Variants in UNC5C observed in about 807,000 individuals in gnomAD.
UNC5C encodes the protein unc-5 netrin receptor C.
In UNC5C, 47 loss-of-function variants were observed where a neutral mutation model predicts 99.8. That is an observed-to-expected ratio of 0.47 (90% CI 0.37 to 0.60). The LOEUF is 0.60. UNC5C is among the 20% of genes least tolerant of loss of function. The pLI, the probability that UNC5C is intolerant of heterozygous loss-of-function variation, is 0.00. For missense variants in UNC5C, 1,062 were observed against 1,165.9 expected, an observed-to-expected ratio of 0.91 and a Z score of 1.30; for synonymous variants, 487 against 452.2, an observed-to-expected ratio of 1.08 and a Z score of -0.98.
chr4:95,392,194 T>G (rs976316760), intron 1 of UNC5C, among the ~76,000 whole-genome samples: 3 of 152,184 alleles, frequency 2.0e-5, no homozygotes, highest in Admixed American at 6.5e-5. Context: ...TACCCAATTT[T>G]TAAGCAAGGA....
chr4:95,487,838 G>A (rs1403266639), intron 1 of UNC5C, among the ~76,000 whole-genome samples: 1 of 151,646 alleles, frequency 6.6e-6, no homozygotes, highest in African/African-American at 2.4e-5. Flanking sequence ...TTCTTATAAG[G>A]AAATAGAAAG....
At chr4:95,173,120 T>G (rs1035574457) in intron 14 of UNC5C, among the ~76,000 whole-genome samples, 1 of 151,874 alleles carries the variant, frequency 6.6e-6, no homozygotes, top group African/African-American at 2.4e-5. Context: ...AAGTTGCTTA[T>G]CAGCTTAAGG....
At chr4:95,359,963 C>A (rs1262747347) in intron 1 of UNC5C, among the ~76,000 whole-genome samples, 1 of 152,080 alleles carries the variant, frequency 6.6e-6, no homozygotes, top group Non-Finnish European at 1.5e-5. Context: ...AAAACAGGCA[C>A]AGAGAAGTCC....
In UNC5C at chr4:95,361,706, G is replaced by A. The variant is rs564723892; in HGVS notation, c.125-26075C>T. On this transcript the variant is annotated intron_variant, in intron 1 of 15. Transcript: ENST00000453304. ...GTGCAGAGAAATAAGACAGCCATTT[G>A]CATTGGATTGTTTTTTGTTGAAATC... Among the ~76,000 whole-genome samples the A allele has an allele frequency of 8.5e-5, 13 of 152,276 alleles. 1 individual carries two copies. Among genetic ancestry groups the A allele is most frequent in the African/African-American group, 2.4e-4 (10 of 41,578 alleles).
chr4:95,492,339 T>G (rs1023456909), intron 1 of UNC5C, among the ~76,000 whole-genome samples: 1 of 151,368 alleles, frequency 6.6e-6, no homozygotes, highest in Admixed American at 6.6e-5. Flanking sequence ...AAAATTAGAA[T>G]GTGCTTAGCG....
intron 1 of UNC5C, among the ~76,000 whole-genome samples, chr4:95,447,119 T>A (rs1488495223): frequency 6.6e-6 from 1 of 152,214 alleles, no homozygotes; most frequent in African/African-American, 2.4e-5. Context: ...TCTAGATACA[T>A]CTTCTTAGAT....
chr4:95,177,586 T>G (rs1736419937), intron 14 of UNC5C, among the ~76,000 whole-genome samples: 1 of 152,160 alleles, frequency 6.6e-6, no homozygotes, highest in Non-Finnish European at 1.5e-5. Context: ...TGGAACAGGG[T>G]CAATCCAGGG....
intron 3 of UNC5C, among the ~76,000 whole-genome samples, chr4:95,288,063 A>ATTATTTATTTATTTAT (rs373317999): frequency 0.2 from 28,801 of 143,082 alleles, 3,172 homozygotes; most frequent in Middle Eastern, 0.23. Flanking sequence ...CACTTTACAG[A>ATTATTTATTTATTTAT]TTATTTATTT....
rs1019793978 is a variant in UNC5C, at chr4:95,488,687, T to C, written c.124+60047A>G. 4.6e-5 allele frequency among the ~76,000 whole-genome samples: 7 copies of C among 151,854 alleles called. No individual in the cohort carries two copies. In the East Asian group the frequency reaches 5.9e-4, roughly 13 times the overall value. ...AGCACATGCCCCTTAGTGGTTAATA[T>C]AACATTTCCAAAAGCTTTATGTTAA... On this transcript the variant is annotated intron_variant, in intron 1 of 15. Transcript: ENST00000453304.
chr4:95,435,999 C>G (rs963431299), intron 1 of UNC5C, among the ~76,000 whole-genome samples: 5 of 151,902 alleles, frequency 3.3e-5, no homozygotes, highest in African/African-American at 1.2e-4. Flanking sequence ...TATAGCAGAA[C>G]TGATTGGACA....
intron 1 of UNC5C, among the ~76,000 whole-genome samples, chr4:95,499,468 G>C (rs1250788931): frequency 6.6e-6 from 1 of 152,120 alleles, no homozygotes; most frequent in African/African-American, 2.4e-5. Flanking sequence ...GATATTCTGG[G>C]AGAAGTGGCA....
chr4:95,268,730 C>G (rs1452994828), intron 4 of UNC5C, among the ~76,000 whole-genome samples: 1 of 152,184 alleles, frequency 6.6e-6, no homozygotes, highest in Non-Finnish European at 1.5e-5. Context: ...CCACATGCCA[C>G]CCAACATGAA....
chr4:95,548,755 C>A lies in UNC5C; in HGVS notation c.103G>T (p.Gly35Cys). 2 of 1,613,000 alleles carry A rather than the reference C, an allele frequency of 1.2e-6. No individual in the cohort carries two copies. The highest frequency in any genetic ancestry group is 1.3e-5 in the African/African-American group (1 of 74,990). The change falls in exon 1 of 16, where the codon GGC (glycine) becomes TGC (cysteine). Residue 35 changes from glycine to cysteine, a missense_variant. Physicochemically the swap from Gly to Cys is radical, Grantham distance 159. Coordinates refer to ENST00000453304, the MANE Select transcript of UNC5C (RefSeq NM_003728.4). ...LPALALLSAS[G>C]TGSAAQDDDF... ...TTACCTTGGGCGGCGGAGCCAGTGC[C>A]GCTGGCGCTGAGCAGGGCCAGGGCA...
intron 2 of UNC5C, among the ~76,000 whole-genome samples, chr4:95,324,017 C>CA (rs1742796640): frequency 6.6e-6 from 1 of 152,022 alleles, no homozygotes; most frequent in African/African-American, 2.4e-5. Flanking sequence ...GCCTGGGCAA[C>CA]AGAGTGAGAC....
intron 10 of UNC5C, among the ~76,000 whole-genome samples, chr4:95,208,622 G>T (rs1031504224): frequency 6.6e-6 from 1 of 152,090 alleles, no homozygotes; most frequent in Admixed American, 6.6e-5. Context: ...TGCAACACAA[G>T]AACAGGGCAA....
At chr4:95,245,210 C>A (rs550723666) in intron 5 of UNC5C, 66 bp from the exon 6 acceptor site, 3 of 1,454,030 alleles carry the variant, frequency 2.1e-6, no homozygotes, top group Admixed American at 2.6e-5. Context: ...CATGGACACA[C>A]AAAACAGACA....
Position 95,491,392 on chromosome 4 carries a change from T to C in UNC5C, c.124+57342A>G, listed in dbSNP as rs1036876109. Among the ~76,000 whole-genome samples the C allele has an allele frequency of 2.6e-5, 4 of 151,648 alleles. No homozygotes were observed. The Admixed American group carries it at 2.6e-4, about 10-fold the overall frequency. On this transcript the variant is annotated intron_variant, in intron 1 of 15. Transcript: ENST00000453304. ...AACATTTGGTGTTAGGCAAAGAGACTAAACAAAAGTTATTTTAATGAACAT... is the reference window on the plus strand; with the variant it reads ...AACATTTGGTGTTAGGCAAAGAGACCAAACAAAAGTTATTTTAATGAACAT...
chr4:95,493,829 C>T (rs2149482160), intron 1 of UNC5C, among the ~76,000 whole-genome samples: 1 of 151,394 alleles, frequency 6.6e-6, no homozygotes, highest in Non-Finnish European at 1.5e-5. Flanking sequence ...AATATTCCAA[C>T]CTAAAGGCCA....
intron 1 of UNC5C, 91 bp downstream of exon 1, chr4:95,548,643 T>A: frequency 6.9e-7 from 1 of 1,450,250 alleles, no homozygotes; most frequent in Non-Finnish European, 9.2e-7. Context: ...CGAGGCAAAT[T>A]GAGGAAGTCA....
Sources: allele counts gnomAD v4.1 joint callset (sites outside exome capture counted in the v4.1 genomes callset), GRCh38; gene constraint gnomAD v4.1.1; transcripts MANE v1.5; gene names NCBI Gene and HGNC (gene_info 2026-07-23, HGNC 2026-07-21).